RUNDC3B: variants seen among roughly 807,000 people sequenced by gnomAD.
The protein encoded by RUNDC3B is RUN domain containing 3B.
Under a neutral mutation model 58.4 loss-of-function variants are expected in RUNDC3B, and 33 were observed. The observed-to-expected ratio is 0.56, with a 90% confidence interval of 0.43 to 0.75. The LOEUF (loss-of-function observed/expected upper bound fraction) is 0.75. RUNDC3B is among the 30% of genes least tolerant of loss of function. The probability of loss-of-function intolerance (pLI) is 0.00; values close to 1 mark genes in which losing one functional copy is unlikely to be tolerated. For synonymous variants in RUNDC3B, 193 were observed against 195.2 expected (o/e 0.99, Z 0.10); for missense variants, 501 against 535.7 (o/e 0.94, Z 0.64).
chr7:87,806,322 T>C (rs1225790816), intron 8 of RUNDC3B, among the ~76,000 whole-genome samples: 4 of 152,188 alleles, frequency 2.6e-5, no homozygotes, highest in Admixed American at 2.6e-4. Flanking sequence ...CTGATTTTCT[T>C]TAGTGCAGTA....
At chr7:87,765,741 G>A (rs1007782397) in intron 6 of RUNDC3B, among the ~76,000 whole-genome samples, 1 of 152,062 alleles carries the variant, frequency 6.6e-6, no homozygotes, top group Non-Finnish European at 1.5e-5. Flanking sequence ...AATGTTCTCT[G>A]CACAGGTGAG....
chr7:87,649,507 G>A (rs1823359959), intron 1 of RUNDC3B, among the ~76,000 whole-genome samples: 1 of 152,168 alleles, frequency 6.6e-6, no homozygotes, highest in East Asian at 1.9e-4. Context: ...ATGTTTGTTT[G>A]TGCTAGGAAT....
chr7:87,646,474 A>G (rs570211596), intron 1 of RUNDC3B, among the ~76,000 whole-genome samples: 1 of 152,260 alleles, frequency 6.6e-6, no homozygotes, highest in South Asian at 2.1e-4. Flanking sequence ...GGTGTATTTT[A>G]TGGAGATGCA....
chr7:87,772,541 G>A (rs1273389862), intron 7 of RUNDC3B, among the ~76,000 whole-genome samples: 1 of 152,172 alleles, frequency 6.6e-6, no homozygotes, highest in Non-Finnish European at 1.5e-5. Context: ...TTGTAATATA[G>A]TGAAGGTGGT....
intron 4 of RUNDC3B, among the ~76,000 whole-genome samples, chr7:87,715,508 ATAAT>A (rs1301005704): frequency 2.0e-4 from 27 of 134,734 alleles, no homozygotes; most frequent in African/African-American, 6.7e-4. Flanking sequence ...TATATTATAT[ATAAT>A]TAATTATATA....
At chr7:87,706,571 T>C (rs1829605046) in intron 3 of RUNDC3B, among the ~76,000 whole-genome samples, 1 of 152,148 alleles carries the variant, frequency 6.6e-6, no homozygotes, top group African/African-American at 2.4e-5. Context: ...AACCAAGGCA[T>C]GAGAACTTGA....
intron 2 of RUNDC3B, among the ~76,000 whole-genome samples, chr7:87,665,292 A>G (rs1825114239): frequency 6.6e-6 from 1 of 152,146 alleles, no homozygotes; most frequent in South Asian, 2.1e-4. Flanking sequence ...TTTATATACT[A>G]AAAATGAACT....
At chr7:87,644,407 A>C (rs2130320596) in intron 1 of RUNDC3B, among the ~76,000 whole-genome samples, 1 of 152,380 alleles carries the variant, frequency 6.6e-6, no homozygotes, top group African/African-American at 2.4e-5. Flanking sequence ...GACTACTAAC[A>C]GCAATGACAT....
intron 10 of RUNDC3B, among the ~76,000 whole-genome samples, chr7:87,828,528 C>T (rs1436727783): frequency 2.0e-5 from 3 of 152,160 alleles, no homozygotes; most frequent in African/African-American, 7.2e-5. Context: ...CTAGTTTCAT[C>T]CATGTTGCTG....
In RUNDC3B at chr7:87,824,047, AG is replaced by A. The variant is rs1173167993; in HGVS notation, c.1226-5837del. 2.6e-5 allele frequency among the ~76,000 whole-genome samples: 4 copies of A among 152,350 alleles called. No homozygotes were observed. The South Asian group carries it at 8.3e-4, about 32-fold the overall frequency. On this transcript the variant is annotated intron_variant, in intron 10 of 10. Transcript: ENST00000394654. Reference sequence around the variant, plus strand: ...CCATATAATTTCTGTATCCTATTAAAGTAACTTTTAAAATTGATACATAATG... The same window carrying A: ...CCATATAATTTCTGTATCCTATTAAATAACTTTTAAAATTGATACATAATG...
intron 6 of RUNDC3B, among the ~76,000 whole-genome samples, chr7:87,768,148 G>C (rs1314936773): frequency 6.6e-6 from 1 of 152,168 alleles, no homozygotes; most frequent in Non-Finnish European, 1.5e-5. Context: ...ACCTCTAGTA[G>C]GAAAAGCCTT....
chr7:87,708,095 C>T (rs1829767967), intron 3 of RUNDC3B, among the ~76,000 whole-genome samples: 1 of 151,418 alleles, frequency 6.6e-6, no homozygotes, highest in Non-Finnish European at 1.5e-5. Flanking sequence ...ACTTTCATCT[C>T]AAGAAGCTAT....
At chr7:87,743,404 A>G (rs1052960316) in intron 6 of RUNDC3B, among the ~76,000 whole-genome samples, 1 of 152,208 alleles carries the variant, frequency 6.6e-6, no homozygotes, top group African/African-American at 2.4e-5. Context: ...TGTTTTCCAT[A>G]GTGGCTGTAC....
chr7:87,789,020 C>T (rs989174024), intron 8 of RUNDC3B, among the ~76,000 whole-genome samples: 1 of 152,156 alleles, frequency 6.6e-6, no homozygotes, highest in African/African-American at 2.4e-5. Context: ...CACATTGTTA[C>T]TTGAAGGGTG....
At chr7:87,764,784 T>C (rs1482994359) in intron 6 of RUNDC3B, among the ~76,000 whole-genome samples, 4 of 151,976 alleles carry the variant, frequency 2.6e-5, no homozygotes, top group Admixed American at 2.6e-4. Flanking sequence ...CCACATTTTC[T>C]TTATTCAGTA....
chr7:87,633,386 C>T (rs1821418838), intron 1 of RUNDC3B, among the ~76,000 whole-genome samples: 1 of 152,156 alleles, frequency 6.6e-6, no homozygotes, highest in African/African-American at 2.4e-5. Context: ...TTATTGATGA[C>T]TTTACTCTGA....
chr7:87,767,734 G>A (rs1431252481), intron 6 of RUNDC3B, among the ~76,000 whole-genome samples: 1 of 152,128 alleles, frequency 6.6e-6, no homozygotes, highest in Non-Finnish European at 1.5e-5. Context: ...ATATGGCGGG[G>A]GTAGTTCATG....
At chr7:87,707,972 G>A (rs1316370460) in intron 3 of RUNDC3B, among the ~76,000 whole-genome samples, 1 of 151,964 alleles carries the variant, frequency 6.6e-6, no homozygotes, top group African/African-American at 2.4e-5. Flanking sequence ...AAAATATTTG[G>A]AAAGTACTGA....
intron 1 of RUNDC3B, 43 bp downstream of exon 1, chr7:87,628,988 C>T: frequency 7.7e-7 from 1 of 1,301,324 alleles, no homozygotes; most frequent in Non-Finnish European, 9.8e-7. Context: ...CCCGCCGGGG[C>T]TGAGAGCTCT....
Sources: allele counts gnomAD v4.1 joint callset (sites outside exome capture counted in the v4.1 genomes callset), GRCh38; gene constraint gnomAD v4.1.1; transcripts MANE v1.5; gene names NCBI Gene and HGNC (gene_info 2026-07-23, HGNC 2026-07-21).